SLC17A1: variants seen among roughly 807,000 people sequenced by gnomAD.
SLC17A1 encodes sodium-dependent phosphate transport protein 1.
Under a neutral mutation model 53.5 loss-of-function variants are expected in SLC17A1, and 51 were observed. That is an observed-to-expected ratio of 0.95 (90% CI 0.76 to 1.20). SLC17A1 has a LOEUF of 1.20. SLC17A1 is among the 50% of genes most tolerant of loss of function. SLC17A1 has a pLI of 0.00. For synonymous variants in SLC17A1, 179 were observed against 198.8 expected, an observed-to-expected ratio of 0.90 and a Z score of 0.84; for missense variants, 538 against 568.2, an observed-to-expected ratio of 0.95 and a Z score of 0.54.
the SLC17A1 span, among the ~76,000 whole-genome samples, chr6:25,752,937 C>T: frequency 4.6e-5 from 7 of 150,954 alleles, no homozygotes; most frequent in Non-Finnish European, 2.9e-5. Context: ...GGGCAACAGT[C>T]TGAGACTCCG....
the SLC17A1 span, among the ~76,000 whole-genome samples, chr6:25,763,967 G>C: frequency 3.3e-5 from 5 of 152,176 alleles, no homozygotes; most frequent in African/African-American, 4.8e-5. Flanking sequence ...TTCCACAAAC[G>C]TTGGAAGGCT....
At position 25,826,629 on chromosome 6, in the gene SLC17A1, T is replaced by C; in HGVS notation, c.39A>G (p.Pro13=). ...MDNRLPPKKV[P]GFCSFRYGLS... is the part of the protein sequence containing the mutation. ...ATCCATAGCGAAAGGAACAGAAACC[T>C]GGAACTACAAAGTAAAACAGAAAGT... The change falls in exon 3 of 13, where the codon CCA becomes CCG. Residue 13 remains proline, a synonymous_variant. Coordinates refer to ENST00000244527, the MANE Select transcript of SLC17A1 (RefSeq NM_005074.5). The C allele has an allele frequency of 6.4e-7, 1 of 1,563,948 alleles. No individual in the cohort carries two copies. The highest frequency in any genetic ancestry group is 1.4e-5 in the African/African-American group (1 of 72,938).
At chr6:25,824,435 T>C (rs1163772908) in intron 3 of SLC17A1, among the ~76,000 whole-genome samples, 1 of 151,698 alleles carries the variant, frequency 6.6e-6, no homozygotes, top group African/African-American at 2.4e-5. Flanking sequence ...AAAGAATAAA[T>C]GAAAGTGGAA....
At chr6:25,799,058 C>T (rs567325344) in intron 11 of SLC17A1, 139 bp from the exon 12 acceptor site, 20 of 648,948 alleles carry the variant, frequency 3.1e-5, no homozygotes, top group East Asian at 1.2e-4. Context: ...TAGCCGAAAA[C>T]GTCATCATTT....
chr6:25,783,833 C>G (rs925840072), intron 12 of SLC17A1, among the ~76,000 whole-genome samples: 1 of 151,206 alleles, frequency 6.6e-6, no homozygotes, highest in Non-Finnish European at 1.5e-5. Context: ...AAAAGTGTCA[C>G]TAGTCCTTTC....
intron 12 of SLC17A1, among the ~76,000 whole-genome samples, chr6:25,795,122 G>A (rs1022294400): frequency 6.6e-6 from 1 of 152,140 alleles, no homozygotes; most frequent in African/African-American, 2.4e-5. Flanking sequence ...ATCCATACTG[G>A]TGTTCCCAGA....
chr6:25,739,379 A>T, the SLC17A1 span, among the ~76,000 whole-genome samples: 1 of 137,594 alleles, frequency 7.3e-6, no homozygotes, highest in East Asian at 3.9e-4. Context: ...TAATACCATC[A>T]CACTGGAAGT....
At chr6:25,771,144 A>G in the SLC17A1 span, 2 of 722,818 alleles carry the variant, frequency 2.8e-6, no homozygotes, top group Non-Finnish European at 4.8e-6. Flanking sequence ...AGCCAACTAC[A>G]TTTAACATTT....
the SLC17A1 span, among the ~76,000 whole-genome samples, chr6:25,738,516 C>G: frequency 6.6e-6 from 1 of 150,504 alleles, no homozygotes; most frequent in Non-Finnish European, 1.5e-5. Flanking sequence ...AGTTTTTAGA[C>G]ATGAAATCAA....
intron 10 of SLC17A1, among the ~76,000 whole-genome samples, chr6:25,801,510 G>C (rs761353905): frequency 6.6e-6 from 1 of 152,178 alleles, no homozygotes; most frequent in Non-Finnish European, 1.5e-5. Context: ...TGCAGCGAAC[G>C]ATAGATAAAG....
chr6:25,752,690 C>T, the SLC17A1 span, among the ~76,000 whole-genome samples: 220 of 152,270 alleles, frequency 1.4e-3, 2 homozygotes, highest in East Asian at 0.018. Context: ...CGGTGGCTCA[C>T]GCCTGTAATC....
chr6:25,769,024 A>G, the SLC17A1 span: 1 of 1,614,010 alleles, frequency 6.2e-7, no homozygotes, highest in Non-Finnish European at 8.5e-7. Context: ...CTCATCTTGC[A>G]GCTCTGTAAT....
the SLC17A1 span, chr6:25,769,131 C>G: frequency 6.2e-7 from 1 of 1,614,030 alleles, no homozygotes; most frequent in Non-Finnish European, 8.5e-7. Flanking sequence ...TTCCACAGAA[C>G]GGCCCTCCAC....
At chr6:25,755,659 A>C in the SLC17A1 span, among the ~76,000 whole-genome samples, 10 of 152,188 alleles carry the variant, frequency 6.6e-5, no homozygotes, top group African/African-American at 2.2e-4. Flanking sequence ...AAATAAATAG[A>C]TAAGGCTGAT....
chr6:25,761,513 A>G, the SLC17A1 span, among the ~76,000 whole-genome samples: 1 of 152,184 alleles, frequency 6.6e-6, no homozygotes, highest in Non-Finnish European at 1.5e-5. Context: ...GGTGTTTGCT[A>G]TATTTTATGT....
chr6:25,754,448 A>G, the SLC17A1 span, among the ~76,000 whole-genome samples: 1 of 152,124 alleles, frequency 6.6e-6, no homozygotes, highest in Non-Finnish European at 1.5e-5. Flanking sequence ...ACTCTGAGAG[A>G]CCCCAGAAGG....
chr6:25,785,667 A>G (rs945842545), intron 12 of SLC17A1, among the ~76,000 whole-genome samples: 1 of 152,186 alleles, frequency 6.6e-6, no homozygotes, highest in Non-Finnish European at 1.5e-5. Flanking sequence ...GTGGGCAAAC[A>G]CACTGAATAT....
the SLC17A1 span, chr6:25,726,522 A>C: frequency 6.2e-7 from 1 of 1,607,756 alleles, no homozygotes; most frequent in African/African-American, 1.3e-5. Context: ...TCCCTCGTCC[A>C]GACATCTCCT....
chr6:25,798,755 A>G, intron 12 of SLC17A1, 28 bp downstream of exon 12: 1 of 1,562,098 alleles, frequency 6.4e-7, no homozygotes, highest in Non-Finnish European at 8.7e-7. Context: ...CAGTTTCAAA[A>G]ATTGTCCTTA....
Sources: allele counts gnomAD v4.1 joint callset (sites outside exome capture counted in the v4.1 genomes callset), GRCh38; gene constraint gnomAD v4.1.1; transcripts MANE v1.5; gene names NCBI Gene and HGNC (gene_info 2026-07-23, HGNC 2026-07-21).